Variants in SOX6 observed in about 807,000 individuals in gnomAD.
The protein encoded by SOX6 is SRY-box transcription factor 6.
A neutral mutation model predicts 97.8 loss-of-function variants in SOX6; 11 were observed. The ratio of observed to expected loss-of-function variants is 0.11; its 90% CI spans 0.07 to 0.19. The LOEUF is 0.19. Among genes scored for constraint, SOX6 ranks in the 10% least tolerant of loss-of-function variants. SOX6 has a pLI of 1.00. For missense variants in SOX6, 810 were observed against 1,039.5 expected (o/e 0.78, Z 3.04); for synonymous variants, 360 against 371.4 (o/e 0.97, Z 0.35).
At chr11:15,983,744 G>A (rs1853741614) in intron 15 of SOX6, among the ~76,000 whole-genome samples, 1 of 152,098 alleles carries the variant, frequency 6.6e-6, no homozygotes, top group Non-Finnish European at 1.5e-5. Flanking sequence ...GAAAGAATAA[G>A]ACATTCTGAT....
At chr11:16,331,753 C>T (rs1279325594) in intron 2 of SOX6, among the ~76,000 whole-genome samples, 17 of 152,190 alleles carry the variant, frequency 1.1e-4, no homozygotes, top group African/African-American at 2.4e-4. Flanking sequence ...AAAAGGGAAA[C>T]GGGGCACAAA....
At chr11:15,998,097 T>TAAATA (rs532464051) in intron 13 of SOX6, among the ~76,000 whole-genome samples, 4 of 149,828 alleles carry the variant, frequency 2.7e-5, no homozygotes, top group Non-Finnish European at 4.5e-5. Flanking sequence ...TAAAATAAAA[T>TAAATA]AAATAAAATA....
chr11:16,725,744 G>A (rs1368612706), intron 2 of SOX6, among the ~76,000 whole-genome samples: 1 of 152,044 alleles, frequency 6.6e-6, no homozygotes, highest in Non-Finnish European at 1.5e-5. Context: ...AATTCAGTTA[G>A]CTAAGGATTT....
chr11:16,199,480 A>G (rs755196363), intron 4 of SOX6, among the ~76,000 whole-genome samples: 6 of 152,200 alleles, frequency 3.9e-5, no homozygotes, highest in Non-Finnish European at 5.9e-5. Flanking sequence ...TTCCTAAGCC[A>G]GTTGGTCTGA....
At chr11:16,570,771 C>T (rs1847930399) in intron 4 of SOX6, among the ~76,000 whole-genome samples, 2 of 152,280 alleles carry the variant, frequency 1.3e-5, no homozygotes, top group African/African-American at 4.8e-5. Context: ...ATACTAGAAA[C>T]TTTCAAATAT....
intron 6 of SOX6, among the ~76,000 whole-genome samples, chr11:16,144,340 A>G (rs1850231758): frequency 6.6e-6 from 1 of 152,212 alleles, no homozygotes; most frequent in Non-Finnish European, 1.5e-5. Flanking sequence ...TCTCTGGGAC[A>G]CATTTAAAGC....
At chr11:16,443,537 T>G (rs1477250569) in intron 1 of SOX6, among the ~76,000 whole-genome samples, 1 of 152,156 alleles carries the variant, frequency 6.6e-6, no homozygotes, top group Non-Finnish European at 1.5e-5. Context: ...AAAGCCTCTA[T>G]TTTTTTCTTT....
At chr11:16,687,468 C>A (rs747431807) in intron 3 of SOX6, among the ~76,000 whole-genome samples, 6 of 152,176 alleles carry the variant, frequency 3.9e-5, no homozygotes, top group African/African-American at 9.6e-5. Flanking sequence ...TTAGTAGAGA[C>A]AGGGTTTCAC....
At chr11:16,312,381 C>G (rs1855629563) in intron 3 of SOX6, 1 of 152,178 alleles carries the variant, frequency 6.6e-6, no homozygotes, top group African/African-American at 2.4e-5. Flanking sequence ...TTCCTGCAAT[C>G]TCACATGACT....
At chr11:16,267,114 T>C (rs1854103490) in intron 3 of SOX6, among the ~76,000 whole-genome samples, 1 of 151,324 alleles carries the variant, frequency 6.6e-6, no homozygotes, top group Non-Finnish European at 1.5e-5. Flanking sequence ...GGAAAAACTA[T>C]ACAACACTTG....
At chr11:16,522,512 G>A (rs1861085209) in intron 4 of SOX6, among the ~76,000 whole-genome samples, 1 of 152,054 alleles carries the variant, frequency 6.6e-6, no homozygotes, top group African/African-American at 2.4e-5. Context: ...ACCAGTACCA[G>A]CCACTGCAAA....
chr11:16,255,308 C>T (rs543778147), intron 3 of SOX6, among the ~76,000 whole-genome samples: 1 of 152,166 alleles, frequency 6.6e-6, no homozygotes, highest in South Asian at 2.1e-4. Context: ...GCAGTTTACA[C>T]ATTCTTCTCA....
intron 3 of SOX6, among the ~76,000 whole-genome samples, chr11:16,653,920 T>C (rs1214071172): frequency 6.6e-6 from 1 of 151,702 alleles, no homozygotes; most frequent in Non-Finnish European, 1.5e-5. Context: ...ACATAAAATA[T>C]TTATATAAAA....
chr11:16,180,626 T>C (rs1184047863), intron 6 of SOX6, among the ~76,000 whole-genome samples: 1 of 151,732 alleles, frequency 6.6e-6, no homozygotes, highest in East Asian at 1.9e-4. Flanking sequence ...GACCTAATAT[T>C]AAAGTGATAT....
At chr11:16,132,312 AAGGAAGGAAGG>A (rs1849773848) in intron 6 of SOX6, among the ~76,000 whole-genome samples, 1 of 130,854 alleles carries the variant, frequency 7.6e-6, no homozygotes, top group East Asian at 2.1e-4. Context: ...GGAAGGAAGG[AAGGAAGGAAGG>A]AAGGAAGGAA....
intron 2 of SOX6, among the ~76,000 whole-genome samples, chr11:16,323,562 T>C: frequency 6.6e-6 from 1 of 152,064 alleles, no homozygotes; most frequent in Non-Finnish European, 1.5e-5. Flanking sequence ...ATATCTTCCT[T>C]AACTTTGAAC....
intron 1 of SOX6, among the ~76,000 whole-genome samples, chr11:16,367,086 T>C (rs1207329052): frequency 2.0e-5 from 3 of 152,188 alleles, no homozygotes; most frequent in Non-Finnish European, 2.9e-5. Flanking sequence ...TGGGTAGAGA[T>C]AGAAAATCTA....
At chr11:16,426,999 A>T (rs1409953781) in intron 1 of SOX6, among the ~76,000 whole-genome samples, 2 of 151,830 alleles carry the variant, frequency 1.3e-5, no homozygotes, top group African/African-American at 4.8e-5. Flanking sequence ...ACTTAAAGGT[A>T]AAACCCAAAA....
At chr11:16,280,034 C>T (rs1427585806) in intron 3 of SOX6, among the ~76,000 whole-genome samples, 2 of 152,028 alleles carry the variant, frequency 1.3e-5, no homozygotes, top group African/African-American at 4.8e-5. Flanking sequence ...CAATGGTAAG[C>T]AAACAACAAA....
Sources: gnomAD v4.1 joint callset for allele counts (sites outside exome capture counted in the v4.1 genomes callset) on GRCh38, gnomAD v4.1.1 for gene constraint, MANE v1.5 for transcripts, NCBI Gene and HGNC (gene_info 2026-07-23, HGNC 2026-07-21) for gene names.